Variants in MAP2K5 observed in about 807,000 individuals in gnomAD.
The protein encoded by MAP2K5 is dual specificity mitogen-activated protein kinase kinase 5.
A neutral mutation model predicts 83.1 loss-of-function variants in MAP2K5; 49 were observed. That is an observed-to-expected ratio of 0.59 (90% CI 0.47 to 0.75). The LOEUF is 0.75. Among genes scored for constraint, MAP2K5 ranks in the 30% least tolerant of loss-of-function variants. The pLI, the probability that MAP2K5 is intolerant of heterozygous loss-of-function variation, is 0.00. For synonymous variants in MAP2K5, 202 were observed against 191.8 expected (o/e 1.05, Z -0.44); for missense variants, 457 against 557.5 (o/e 0.82, Z 1.82).
At chr15:67,594,166 G>A (rs922805157) in intron 7 of MAP2K5, among the ~76,000 whole-genome samples, 3 of 152,090 alleles carry the variant, frequency 2.0e-5, no homozygotes, top group Non-Finnish European at 4.4e-5. Flanking sequence ...ATCTAGTGTG[G>A]TGTATGTATA....
chr15:67,763,174 G>A (rs1383105455), intron 19 of MAP2K5, among the ~76,000 whole-genome samples: 1 of 151,898 alleles, frequency 6.6e-6, no homozygotes, highest in Non-Finnish European at 1.5e-5. Context: ...TCAAAGCCTC[G>A]CTTTCACCCT....
At chr15:67,622,175 G>T (rs1452559859) in intron 8 of MAP2K5, among the ~76,000 whole-genome samples, 2 of 147,572 alleles carry the variant, frequency 1.4e-5, no homozygotes, top group African/African-American at 2.5e-5. Context: ...GAAGATGAAG[G>T]GAGAATGTGC....
At chr15:67,694,275 T>C (rs1241385157) in intron 15 of MAP2K5, among the ~76,000 whole-genome samples, 1 of 152,188 alleles carries the variant, frequency 6.6e-6, no homozygotes, top group Non-Finnish European at 1.5e-5. Context: ...ACAGGAAACT[T>C]ATCTAGTATT....
Position 67,690,385 on chromosome 15 carries a change from T to C in MAP2K5, c.848-2094T>C, listed in dbSNP as rs1013127068. On this transcript the variant is annotated intron_variant, in intron 13 of 21. Coordinates refer to ENST00000178640, the MANE Select transcript of MAP2K5 (RefSeq NM_145160.3). This position sits in a 1 kb window ranked among gnomAD's most constrained non-coding sequence, Gnocchi z 4.3. ...TGGTGGGGGGCATGTCAGAGAATACTTAACCTCCTCCTTAAGGAGACAAGT... is the reference window on the plus strand; with the variant it reads ...TGGTGGGGGGCATGTCAGAGAATACCTAACCTCCTCCTTAAGGAGACAAGT... 6.6e-6 allele frequency among the ~76,000 whole-genome samples: 1 copy of C among 152,178 alleles called. No homozygotes were observed. The highest frequency in any genetic ancestry group is 2.4e-5 in the African/African-American group (1 of 41,444).
At chr15:67,613,107 A>T (rs1470890723) in intron 8 of MAP2K5, among the ~76,000 whole-genome samples, 1 of 152,176 alleles carries the variant, frequency 6.6e-6, no homozygotes, top group African/African-American at 2.4e-5. Context: ...TCAATAGGTG[A>T]TTGAAACTGA....
chr15:67,685,729 G>A (rs983703171), intron 13 of MAP2K5, among the ~76,000 whole-genome samples: 1 of 152,210 alleles, frequency 6.6e-6, no homozygotes. Flanking sequence ...AAGGTAGACT[G>A]TAAGAAATTA....
intron 9 of MAP2K5, chr15:67,642,490 A>T: frequency 6.5e-7 from 1 of 1,547,214 alleles, no homozygotes; most frequent in South Asian, 1.1e-5. Context: ...TTGATGGAGG[A>T]CTTTGAGGTG....
chr15:67,728,855 C>T (rs538687548), intron 17 of MAP2K5, among the ~76,000 whole-genome samples: 1 of 152,326 alleles, frequency 6.6e-6, no homozygotes, highest in South Asian at 2.1e-4. Context: ...TAGGATGGGG[C>T]TCATTCTCTC....
At position 67,640,501 on chromosome 15, in the gene MAP2K5, C is replaced by T; in HGVS notation, c.586-5730C>T. The T allele has an allele frequency of 2.5e-6, 2 of 787,584 alleles. No individual in the cohort carries two copies. Among genetic ancestry groups the T allele is most frequent in the Non-Finnish European group, 3.1e-6 (2 of 649,378 alleles). 48.8% of individuals were successfully genotyped at this position (787,584 alleles called of 1,614,324 possible). On this transcript the variant is annotated intron_variant, in intron 9 of 21. Transcript: ENST00000178640. This position sits in a 1 kb window ranked among gnomAD's most constrained non-coding sequence, Gnocchi z 4.6. ...CAGTGACCTCAGCTGTGAAACGGGGCTGCCTGATGTCACAGAGGATTGTGA... is the reference window on the plus strand; with the variant it reads ...CAGTGACCTCAGCTGTGAAACGGGGTTGCCTGATGTCACAGAGGATTGTGA...
In MAP2K5 at chr15:67,587,324, C is replaced by T. The variant is rs113787488; in HGVS notation, c.431+411C>T. ...AAGGAGGTAGACAGGACTTATCATG[C>T]GGGGCCTCGTAGGCCCTGTAATGTT... On this transcript the variant is annotated intron_variant, in intron 6 of 21. Transcript: ENST00000178640. This position sits in a 1 kb window ranked among gnomAD's most constrained non-coding sequence, Gnocchi z 4.8. Among the ~76,000 whole-genome samples the T allele has an allele frequency of 3.2e-3, 484 of 152,230 alleles. 5 individuals carry two copies. Among genetic ancestry groups the T allele is most frequent in the African/African-American group, 0.011 (459 of 41,524 alleles).
rs1443135872 is a variant in MAP2K5, at chr15:67,785,424, A to G, written c.1242+12672A>G. 6.6e-6 allele frequency among the ~76,000 whole-genome samples: 1 copy of G among 152,230 alleles called. No individual in the cohort carries two copies. The highest frequency in any genetic ancestry group is 1.5e-5 in the Non-Finnish European group (1 of 68,040). ...CTTGTATCATTGCAGGCCAGCAGCA[A>G]GCAGTTCACAGGACGACTACTTGAG... On this transcript the variant is annotated intron_variant, in intron 21 of 21. Transcript: ENST00000178640. This position sits in a 1 kb window ranked among gnomAD's most constrained non-coding sequence, Gnocchi z 4.4.
chr15:67,759,183 G>A (rs2089900214), intron 19 of MAP2K5, among the ~76,000 whole-genome samples: 1 of 152,158 alleles, frequency 6.6e-6, no homozygotes, highest in Admixed American at 6.5e-5. Flanking sequence ...AGAAGCCACT[G>A]GGGTATGAAA....
At chr15:67,547,077 A>AACACACACACACACACACACACACAC (rs59269114) in intron 1 of MAP2K5, among the ~76,000 whole-genome samples, 12 of 144,092 alleles carry the variant, frequency 8.3e-5, no homozygotes, top group African/African-American at 2.9e-4. Flanking sequence ...AAAAGAAGAA[A>AACACACACACACACACACACACACAC]ACACACACAC....
chr15:67,723,679 G>C (rs761677108), intron 16 of MAP2K5, among the ~76,000 whole-genome samples: 1 of 151,814 alleles, frequency 6.6e-6, no homozygotes, highest in Non-Finnish European at 1.5e-5. Context: ...CCCCTCCTGG[G>C]AATGAAAAGG....
At chr15:67,630,084 T>G (rs1489368801) in intron 8 of MAP2K5, among the ~76,000 whole-genome samples, 1 of 151,994 alleles carries the variant, frequency 6.6e-6, no homozygotes, top group East Asian at 1.9e-4. Context: ...CAAAAAAAAG[T>G]AAAAAGTAGC....
At position 67,793,612 on chromosome 15, in the gene MAP2K5, C is replaced by G. The variant is rs1041901435; in HGVS notation, c.1243-13034C>G. On this transcript the variant is annotated intron_variant, in intron 21 of 21. Coordinates refer to ENST00000178640, the MANE Select transcript of MAP2K5 (RefSeq NM_145160.3). The surrounding 1 kb of genome is among the most constrained non-coding windows in gnomAD (Gnocchi z 4.6). ...CTTAAGGAAAAGCTTGAGGCACTACCTAAAATTAAAATGTTCAAGTTCTAG... is the reference window on the plus strand; with the variant it reads ...CTTAAGGAAAAGCTTGAGGCACTACGTAAAATTAAAATGTTCAAGTTCTAG... Among the ~76,000 whole-genome samples the G allele has an allele frequency of 2.0e-5, 3 of 152,144 alleles. No homozygotes were observed. The highest frequency in any genetic ancestry group is 7.2e-5 in the African/African-American group (3 of 41,428).
chr15:67,628,035 G>T (rs1480533289), intron 8 of MAP2K5: 4 of 733,754 alleles, frequency 5.5e-6, no homozygotes, highest in East Asian at 5.9e-5. Flanking sequence ...TGTCACATAT[G>T]CCCCTGTGGA....
chr15:67,719,799 G>C lies in MAP2K5; in HGVS notation c.1045-8117G>C, dbSNP rs978857493. Reference sequence around the variant, plus strand: ...TGCATTTTGAGCTATGCAAACATTTGAAGAACATTCATTTTTCAATTAGAA... The same window carrying C: ...TGCATTTTGAGCTATGCAAACATTTCAAGAACATTCATTTTTCAATTAGAA... On this transcript the variant is annotated intron_variant, in intron 16 of 21. Transcript: ENST00000178640. This position sits in a 1 kb window ranked among gnomAD's most constrained non-coding sequence, Gnocchi z 4.6. Among the ~76,000 whole-genome samples the C allele has an allele frequency of 6.6e-6, 1 of 152,176 alleles. No individual in the cohort carries two copies. Among genetic ancestry groups the C allele is most frequent in the African/African-American group, 2.4e-5 (1 of 41,446 alleles).
chr15:67,729,545 C>T (rs993780680), intron 17 of MAP2K5, among the ~76,000 whole-genome samples: 1 of 151,622 alleles, frequency 6.6e-6, no homozygotes, highest in Non-Finnish European at 1.5e-5. Context: ...CCGAGGTGGG[C>T]GGATCACGAG....
Sources: allele counts gnomAD v4.1 joint callset (sites outside exome capture counted in the v4.1 genomes callset), GRCh38; gene constraint gnomAD v4.1.1; non-coding constraint Gnocchi (gnomAD v3.1); transcripts MANE v1.5; gene names NCBI Gene and HGNC (gene_info 2026-07-23, HGNC 2026-07-21).